Variants in PDPR observed in about 807,000 individuals in gnomAD.
PDPR encodes pyruvate dehydrogenase phosphatase regulatory subunit.
PDPR carries 50 observed loss-of-function variants against 102.2 expected under a neutral mutation model. The ratio of observed to expected loss-of-function variants is 0.49; its 90% CI spans 0.39 to 0.62. The LOEUF is 0.62. Ranked by LOEUF, PDPR falls within the 20% of genes least tolerant of loss-of-function variation. The probability of loss-of-function intolerance (pLI) is 0.00; values close to 1 mark genes in which losing one functional copy is unlikely to be tolerated. For synonymous variants in PDPR, 259 were observed against 406.0 expected, an observed-to-expected ratio of 0.64 and a Z score of 4.35; for missense variants, 625 against 1,098.2, an observed-to-expected ratio of 0.57 and a Z score of 6.09.
At chr16:70,129,909 G>C (rs544436680) in intron 6 of PDPR, among the ~76,000 whole-genome samples, 40 of 152,380 alleles carry the variant, frequency 2.6e-4, no homozygotes, top group Admixed American at 4.6e-4. Context: ...TCCAAAGTCT[G>C]TTTTTAAACT....
At chr16:70,120,986 C>T (rs1380035819) in intron 3 of PDPR, among the ~76,000 whole-genome samples, 21 of 123,396 alleles carry the variant, frequency 1.7e-4, no homozygotes, top group Non-Finnish European at 2.7e-4. Context: ...GACAGGATCT[C>T]GCTTTCTTAC....
intron 17 of PDPR, among the ~76,000 whole-genome samples, chr16:70,150,531 A>ATTTT (rs71151175): frequency 7.2e-6 from 1 of 138,298 alleles, no homozygotes; most frequent in Non-Finnish European, 1.6e-5. Flanking sequence ...TTTTCTCTTA[A>ATTTT]TTTTTTTTTT....
At chr16:70,143,104 G>A (rs146795757) in intron 13 of PDPR, among the ~76,000 whole-genome samples, 2,838 of 151,556 alleles carry the variant, frequency 0.019, 25 homozygotes, top group African/African-American at 0.065. Flanking sequence ...CAGGAGAATC[G>A]CGTGAACTCA....
At chr16:70,152,881 C>T (rs1358459436) in intron 17 of PDPR, among the ~76,000 whole-genome samples, 1 of 152,292 alleles carries the variant, frequency 6.6e-6, no homozygotes, top group African/African-American at 2.4e-5. Flanking sequence ...GCGAGCCCTG[C>T]CTTCCTGGCT....
intron 6 of PDPR, 149 bp from the exon 7 acceptor site, chr16:70,130,274 C>T (rs1964405190): frequency 9.6e-7 from 1 of 1,040,530 alleles, no homozygotes; most frequent in Non-Finnish European, 1.4e-6. Flanking sequence ...GGCGACAAAG[C>T]AAGACTCCAT....
At chr16:70,124,795 T>C (rs1040933606) in intron 3 of PDPR, among the ~76,000 whole-genome samples, 3 of 152,346 alleles carry the variant, frequency 2.0e-5, no homozygotes, top group African/African-American at 4.8e-5. Flanking sequence ...CTGACAATCT[T>C]ATGTGGAAAA....
At chr16:70,151,730 AG>A (rs2152118091) in intron 17 of PDPR, among the ~76,000 whole-genome samples, 1 of 152,388 alleles carries the variant, frequency 6.6e-6, no homozygotes, top group East Asian at 1.9e-4. Flanking sequence ...TGATTTTTCA[AG>A]AGTCTAAGAG....
chr16:70,130,218 A>C (rs1477012268), intron 6 of PDPR, among the ~76,000 whole-genome samples: 1 of 152,280 alleles, frequency 6.6e-6, no homozygotes, highest in Non-Finnish European at 1.5e-5. Flanking sequence ...GCTTGAACCC[A>C]GGAGGCAGAG....
intron 18 of PDPR, among the ~76,000 whole-genome samples, chr16:70,153,922 G>A (rs1966863393): frequency 6.6e-6 from 1 of 152,214 alleles, no homozygotes; most frequent in South Asian, 2.1e-4. Flanking sequence ...GCTCACACCT[G>A]TAATCCCAAC....
rs1962410490 is a variant in PDPR, at chr16:70,114,362, G to GA, written c.-220dup. The GA allele has an allele frequency of 6.6e-6, 1 of 152,082 alleles. No individual in the cohort carries two copies. The highest frequency in any genetic ancestry group is 6.5e-5 in the Admixed American group (1 of 15,280). 9.4% of individuals were successfully genotyped at this position (152,082 alleles called of 1,614,324 possible). On this transcript the variant is annotated 5_prime_UTR_variant, in exon 1 of 19. Coordinates refer to ENST00000288050, the MANE Select transcript of PDPR (RefSeq NM_017990.5). ...CGAACCCCGCTTTCCGGCCCGCGGCGACCCCAGGCAACTGTTGTGGCTGCC... is the reference window on the plus strand; with the variant it reads ...CGAACCCCGCTTTCCGGCCCGCGGCGAACCCCAGGCAACTGTTGTGGCTGCC...
chr16:70,123,780 C>T (rs1202228775), intron 3 of PDPR, among the ~76,000 whole-genome samples: 5 of 152,356 alleles, frequency 3.3e-5, no homozygotes, highest in African/African-American at 7.2e-5. Context: ...CAGCCAGGCA[C>T]GATCGCTCAC....
chr16:70,152,466 C>T (rs1163026160), intron 17 of PDPR, among the ~76,000 whole-genome samples: 1 of 152,264 alleles, frequency 6.6e-6, no homozygotes, highest in Non-Finnish European at 1.5e-5. Flanking sequence ...GGCAGTGAGC[C>T]GAGATCGCGC....
chr16:70,154,843 T>G (rs983691214), intron 18 of PDPR, among the ~76,000 whole-genome samples: 2 of 152,244 alleles, frequency 1.3e-5, no homozygotes, highest in African/African-American at 4.8e-5. Flanking sequence ...TTCACCACAT[T>G]GGCCAGGGTG....
rs1487554379 is a variant in PDPR, at chr16:70,160,791, G to C, written c.*3912G>C. 10 of 152,530 alleles carry C rather than the reference G, an allele frequency of 6.6e-5. No individual in the cohort carries two copies. Among genetic ancestry groups the C allele is most frequent in the Non-Finnish European group, 4.4e-5 (3 of 68,192 alleles). The allele number at this position is 152,530 out of a possible 1,614,324, so 9.4% of individuals were successfully genotyped here. A position where few individuals can be genotyped will look rare whatever the true frequency, so the allele number is the denominator to read the frequency against. ...CTCCCTTGCCACCGTCTTGGTGGCA[G>C]TAGCGATGCAAGAATGATGGGAGCT... On this transcript the variant is annotated 3_prime_UTR_variant, in exon 19 of 19. Coordinates refer to ENST00000288050, the MANE Select transcript of PDPR (RefSeq NM_017990.5).
At chr16:70,152,150 TG>T (rs1248932768) in intron 17 of PDPR, among the ~76,000 whole-genome samples, 5 of 152,290 alleles carry the variant, frequency 3.3e-5, no homozygotes, top group Non-Finnish European at 7.3e-5. Context: ...CCACCTTGGC[TG>T]ATTCAGGTGT....
downstream of PDPR, among the ~76,000 whole-genome samples, chr16:70,162,880 TGA>T (rs1967915167): frequency 6.6e-6 from 1 of 152,264 alleles, no homozygotes; most frequent in South Asian, 2.1e-4. Flanking sequence ...GAAACAACCC[TGA>T]GAGAAACAAC....
Position 70,138,979 on chromosome 16 carries a change from A to C in PDPR, c.1271A>C (p.Gln424Pro), listed in dbSNP as rs1965448458. The C allele has an allele frequency of 1.2e-6, 2 of 1,612,496 alleles. No individual in the cohort carries two copies. Among genetic ancestry groups the C allele is most frequent in the Non-Finnish European group, 1.7e-6 (2 of 1,179,160 alleles). ...GACCTGAAACGTTTTGGAGCCCTCCAGAGCAGCCGCACCTTTCTGCGCCAC... is the reference window on the plus strand; with the variant it reads ...GACCTGAAACGTTTTGGAGCCCTCCCGAGCAGCCGCACCTTTCTGCGCCAC... ...ELDLKRFGAL[Q>P]SSRTFLRHRV... The change falls in exon 11 of 19, where the codon CAG (glutamine) becomes CCG (proline). Residue 424 changes from glutamine to proline, a missense_variant. Around this residue, in one of 11 missense-constraint regions of PDPR, gnomAD observed 10 missense variants for 80.4 expected, o/e 0.12. Coordinates refer to ENST00000288050, the MANE Select transcript of PDPR (RefSeq NM_017990.5).
intron 16 of PDPR, chr16:70,147,696 T>G (rs1178694412): frequency 2.3e-6 from 1 of 432,290 alleles, no homozygotes; most frequent in African/African-American, 2.0e-5. Context: ...GGAGACTCTT[T>G]GAAGTTCACC....
intron 11 of PDPR, 73 bp from the exon 12 acceptor site, chr16:70,142,161 T>C (rs1204975337): frequency 6.6e-7 from 1 of 1,520,886 alleles, no homozygotes; most frequent in Non-Finnish European, 9.0e-7. Flanking sequence ...AACTCCAGAG[T>C]CTAGTGGACA....
Sources: gnomAD v4.1 joint callset for allele counts (sites outside exome capture counted in the v4.1 genomes callset) on GRCh38, gnomAD v4.1.1 for gene constraint, gnomAD v4.1.1 regional missense constraint, MANE v1.5 for transcripts, NCBI Gene and HGNC (gene_info 2026-07-23, HGNC 2026-07-21) for gene names.